ANK2: variants seen among roughly 807,000 people sequenced by gnomAD.
ANK2 encodes ankyrin 2.
ANK2 carries 83 observed loss-of-function variants against 360.5 expected under a neutral mutation model. The ratio of observed to expected loss-of-function variants is 0.23; its 90% confidence interval spans 0.19 to 0.28. The LOEUF is 0.28. Among genes scored for constraint, ANK2 ranks in the 10% least tolerant of loss-of-function variants. The pLI is 1.00. For synonymous variants in ANK2, 1,740 were observed against 1,759.5 expected, an observed-to-expected ratio of 0.99 and a Z score of 0.28; for missense variants, 4,201 against 4,795.7, an observed-to-expected ratio of 0.88 and a Z score of 3.66.
the ANK2 span, among the ~76,000 whole-genome samples, chr4:112,808,617 T>G: frequency 6.6e-6 from 1 of 152,186 alleles, no homozygotes; most frequent in African/African-American, 2.4e-5. Context: ...CAGAAACACC[T>G]GTGGTATTTT....
At chr4:112,724,725 C>T in the ANK2 span, among the ~76,000 whole-genome samples, 4 of 152,062 alleles carry the variant, frequency 2.6e-5, no homozygotes, top group African/African-American at 9.7e-5. Flanking sequence ...AATCGTTTAG[C>T]CACTGTGGAA....
chr4:112,854,629 T>C (rs2065881337), intron 1 of ANK2, among the ~76,000 whole-genome samples: 1 of 152,058 alleles, frequency 6.6e-6, no homozygotes, highest in Non-Finnish European at 1.5e-5. Flanking sequence ...GAGGAAGAGG[T>C]AGTATGCTAA....
chr4:112,783,780 G>T, the ANK2 span, among the ~76,000 whole-genome samples: 1 of 151,748 alleles, frequency 6.6e-6, no homozygotes, highest in Non-Finnish European at 1.5e-5. Flanking sequence ...CTCCCGAATA[G>T]CTGGGACTAC....
rs2058487930 is a variant in ANK2 at position 112,826,736 on chromosome 4, G to A, written c.-40+8472G>A. ...TGAACACCATAATACCTACCAGTCA[G>A]TTTCTTCCATCTTCTGTTCTAAAGC... On this transcript the variant is annotated intron_variant, in intron 1 of 30. Transcript: ENST00000503271. The A allele has an allele frequency of 9.4e-6, 8 of 855,574 alleles. No homozygotes were observed. The South Asian group carries it at 1.3e-4, about 14-fold the overall frequency. 53.0% of individuals were successfully genotyped at this position (855,574 alleles called of 1,614,324 possible).
chr4:113,021,541 C>CACACACACACACACACAT lies in ANK2; in HGVS notation c.21+117028_21+117029insCACACACACACACACATA, dbSNP rs1489947974. Among the ~76,000 whole-genome samples the CACACACACACACACACAT allele has an allele frequency of 5.3e-4, 51 of 95,624 alleles. 2 individuals are homozygous for CACACACACACACACACAT. Among genetic ancestry groups the CACACACACACACACACAT allele is most frequent in the Non-Finnish European group, 9.1e-4 (40 of 44,120 alleles). The allele number at this position is 95,624 out of a possible 152,430, so 62.7% of individuals were successfully genotyped here. ...ATACACACACACACCCACACACAAA[C>CACACACACACACACACAT]ATATATATATATATATATATATATA... On this transcript the variant is annotated intron_variant, in intron 2 of 30. Transcript: ENST00000503271.
intron 2 of ANK2, among the ~76,000 whole-genome samples, chr4:113,189,882 G>A (rs1178886418): frequency 6.6e-6 from 1 of 152,100 alleles, no homozygotes; most frequent in East Asian, 1.9e-4. Context: ...GGTTTTTAAT[G>A]CCCTCTTTTA....
At chr4:113,372,156 C>T (rs902783453) in intron 43 of ANK2, among the ~76,000 whole-genome samples, 1 of 152,266 alleles carries the variant, frequency 6.6e-6, no homozygotes, top group South Asian at 2.1e-4. Context: ...GCACCAGTGT[C>T]AGTGGCTCAT....
At chr4:113,250,030 A>G (rs1253483062) in intron 10 of ANK2, among the ~76,000 whole-genome samples, 168 bp downstream of exon 10, 1 of 152,266 alleles carries the variant, frequency 6.6e-6, no homozygotes, top group East Asian at 1.9e-4. Context: ...ATTAAAATAA[A>G]CAGATATATG....
chr4:112,884,918 A>C (rs1028146452), intron 1 of ANK2, among the ~76,000 whole-genome samples: 1 of 151,930 alleles, frequency 6.6e-6, no homozygotes, highest in African/African-American at 2.4e-5. Flanking sequence ...ATTATTTCAG[A>C]TATGTGAGCT....
At chr4:112,949,002 G>A (rs1219454472) in intron 2 of ANK2, among the ~76,000 whole-genome samples, 1 of 152,088 alleles carries the variant, frequency 6.6e-6, no homozygotes, top group East Asian at 1.9e-4. Context: ...GATCTCCCCT[G>A]GGATTTCTCC....
chr4:113,221,372 C>A (rs537451421), intron 4 of ANK2, among the ~76,000 whole-genome samples: 1 of 152,286 alleles, frequency 6.6e-6, no homozygotes, highest in African/African-American at 2.4e-5. Context: ...GAAAACTGAT[C>A]TCCAGGGCTG....
At chr4:112,802,236 A>G in the ANK2 span, among the ~76,000 whole-genome samples, 1 of 152,108 alleles carries the variant, frequency 6.6e-6, no homozygotes, top group Non-Finnish European at 1.5e-5. Context: ...ATTGGAGGAC[A>G]CTGTTGTTCA....
chr4:113,051,385 C>T (rs1374476727), intron 1 of ANK2, among the ~76,000 whole-genome samples: 4 of 152,102 alleles, frequency 2.6e-5, no homozygotes, highest in Non-Finnish European at 4.4e-5. Flanking sequence ...ACTAACTTCA[C>T]ATGACCAAAG....
At chr4:112,889,549 A>G (rs952912964) in intron 1 of ANK2, among the ~76,000 whole-genome samples, 1 of 150,636 alleles carries the variant, frequency 6.6e-6, no homozygotes, top group Non-Finnish European at 1.5e-5. Flanking sequence ...AGATTTTTCT[A>G]TTTTTTTCCT....
chr4:113,321,527 C>T (rs1440885925), intron 26 of ANK2, among the ~76,000 whole-genome samples: 1 of 152,162 alleles, frequency 6.6e-6, no homozygotes, highest in East Asian at 1.9e-4. Context: ...CAATGATTCT[C>T]AGTTTCCTGG....
At chr4:113,044,805 C>A (rs780312543), upstream of ANK2, among the ~76,000 whole-genome samples, 1 of 152,054 alleles carries the variant, frequency 6.6e-6, no homozygotes, top group African/African-American at 2.4e-5. Flanking sequence ...TTGGGTTAGC[C>A]CACCCTAGTT....
At chr4:113,199,137 A>C (rs1366394562) in intron 4 of ANK2, 28 bp downstream of exon 4, 22 of 1,525,828 alleles carry the variant, frequency 1.4e-5, no homozygotes, top group Non-Finnish European at 2.0e-5. Flanking sequence ...TCCCTGATGT[A>C]CATACATTTA....
At chr4:112,817,872 T>A (rs2055815283), upstream of ANK2, among the ~76,000 whole-genome samples, 1 of 152,196 alleles carries the variant, frequency 6.6e-6, no homozygotes, top group African/African-American at 2.4e-5. Context: ...TTTTCTTGCT[T>A]ATTTTTCCCT....
upstream of ANK2, among the ~76,000 whole-genome samples, chr4:112,817,415 T>C (rs2055759085): frequency 1.3e-5 from 2 of 152,278 alleles, no homozygotes; most frequent in Admixed American, 1.3e-4. Context: ...AATGTAAGCC[T>C]GAATGGATGG....
Sources: allele counts gnomAD v4.1 joint callset (sites outside exome capture counted in the v4.1 genomes callset), GRCh38; gene constraint gnomAD v4.1.1; transcripts MANE v1.5; gene names NCBI Gene and HGNC (gene_info 2026-07-23, HGNC 2026-07-21).